RTN3: variants seen among roughly 807,000 people sequenced by gnomAD.
RTN3 encodes reticulon 3.
A neutral mutation model predicts 77.8 loss-of-function variants in RTN3; 49 were observed. The observed-to-expected ratio is 0.63, with a 90% CI of 0.50 to 0.80. RTN3 has a LOEUF of 0.80. Ranked by LOEUF, RTN3 falls within the 30% of genes least tolerant of loss-of-function variation. RTN3 has a pLI of 0.00. For synonymous variants in RTN3, 464 were observed against 446.9 expected, an observed-to-expected ratio of 1.04 and a Z score of -0.48; for missense variants, 1,236 against 1,211.9, an observed-to-expected ratio of 1.02 and a Z score of -0.29.
chr11:63,741,541 C>G (rs559568869), intron 3 of RTN3, among the ~76,000 whole-genome samples: 72 of 150,960 alleles, frequency 4.8e-4, no homozygotes, highest in Admixed American at 1.6e-3. Flanking sequence ...ATTCTATTGC[C>G]CAGGCTGGAA....
At chr11:63,690,255 T>C (rs968636892) in intron 1 of RTN3, among the ~76,000 whole-genome samples, 1 of 152,216 alleles carries the variant, frequency 6.6e-6, no homozygotes, top group Non-Finnish European at 1.5e-5. Context: ...TTTGAACATA[T>C]TTCAGTGGAG....
chr11:63,706,334 C>T (rs1448356856), intron 2 of RTN3, among the ~76,000 whole-genome samples: 4 of 152,166 alleles, frequency 2.6e-5, no homozygotes, highest in African/African-American at 9.7e-5. Flanking sequence ...GGACTACAGG[C>T]ACATGCCACC....
intron 1 of RTN3, 129 bp from the exon 2 acceptor site, chr11:63,704,722 T>C: frequency 1.7e-6 from 1 of 597,178 alleles, no homozygotes; most frequent in South Asian, 2.5e-5. Context: ...AAATAAAGAT[T>C]TGAGTTTTCC....
chr11:63,716,528 A>G (rs2011407213), intron 2 of RTN3, among the ~76,000 whole-genome samples: 1 of 152,224 alleles, frequency 6.6e-6, no homozygotes, highest in Non-Finnish European at 1.5e-5. Flanking sequence ...ATACAACAGT[A>G]TGCAAGAAAG....
rs2014513405 is a variant in RTN3, at chr11:63,758,681, A to G, written c.*480A>G. On this transcript the variant is annotated 3_prime_UTR_variant, in exon 9 of 9. Coordinates refer to ENST00000377819, the MANE Select transcript of RTN3 (RefSeq NM_001265589.2). ...TTTTTTTTTGCAGCCCTCAAATCCT[A>G]TCTTCCTGCCCCACAATGTGAGCAG... 2 of 293,648 alleles carry G rather than the reference A, an allele frequency of 6.8e-6. No individual in the cohort carries two copies. Among genetic ancestry groups the G allele is most frequent in the Non-Finnish European group, 6.2e-6 (1 of 161,060 alleles). The allele number at this position is 293,648 out of a possible 1,614,324, so 18.2% of individuals were successfully genotyped here. A position where few individuals can be genotyped will look rare whatever the true frequency, so the allele number is the denominator to read the frequency against.
intron 1 of RTN3, among the ~76,000 whole-genome samples, chr11:63,688,740 C>G (rs1941503432): frequency 1.3e-5 from 2 of 152,098 alleles, no homozygotes; most frequent in African/African-American, 4.8e-5. Flanking sequence ...ACCAATATTA[C>G]TGCTTTTATC....
At chr11:63,717,104 A>G (rs1353671360) in intron 2 of RTN3, among the ~76,000 whole-genome samples, 1 of 151,956 alleles carries the variant, frequency 6.6e-6, no homozygotes, top group Non-Finnish European at 1.5e-5. Context: ...TCAAGGCTGC[A>G]GTGAGCCACA....
intron 1 of RTN3, among the ~76,000 whole-genome samples, chr11:63,687,523 T>C (rs1672389817): frequency 6.6e-6 from 1 of 151,378 alleles, no homozygotes; most frequent in African/African-American, 2.4e-5. Flanking sequence ...GGCAGGAGAA[T>C]CACTTGAACC....
At chr11:63,696,428 C>T (rs1565304032) in intron 1 of RTN3, among the ~76,000 whole-genome samples, 1 of 151,854 alleles carries the variant, frequency 6.6e-6, no homozygotes, top group Non-Finnish European at 1.5e-5. Flanking sequence ...TGTGATGAAG[C>T]CAGGTGCGGT....
intron 1 of RTN3, among the ~76,000 whole-genome samples, chr11:63,685,485 G>A (rs1273226172): frequency 5.3e-5 from 3 of 56,908 alleles, no homozygotes; most frequent in Non-Finnish European, 9.6e-5. Context: ...GACACAGCAA[G>A]ACTCCATCTC....
At chr11:63,755,686 A>G (rs2014340892) in intron 7 of RTN3, among the ~76,000 whole-genome samples, 2 of 136,074 alleles carry the variant, frequency 1.5e-5, no homozygotes, top group African/African-American at 5.4e-5. Context: ...AAGGCTGGGC[A>G]CAGTGGCTCA....
chr11:63,738,711 A>C (rs919387409), intron 3 of RTN3, among the ~76,000 whole-genome samples: 1 of 152,046 alleles, frequency 6.6e-6, no homozygotes, highest in Non-Finnish European at 1.5e-5. Flanking sequence ...CCTTTTCAGA[A>C]TAAGTATTTG....
chr11:63,709,870 A>T (rs1942666312), intron 2 of RTN3, among the ~76,000 whole-genome samples: 1 of 152,208 alleles, frequency 6.6e-6, no homozygotes, highest in South Asian at 2.1e-4. Context: ...TTCTTCACTG[A>T]TGTATATAGT....
chr11:63,730,328 A>C (rs2012602343), intron 3 of RTN3, among the ~76,000 whole-genome samples: 3 of 152,220 alleles, frequency 2.0e-5, no homozygotes, highest in Non-Finnish European at 4.4e-5. Flanking sequence ...AAGATATCCC[A>C]AAAAATTTAT....
At chr11:63,721,087 T>C (rs2011756815) in intron 3 of RTN3, 55 bp downstream of exon 3, 2 of 1,455,118 alleles carry the variant, frequency 1.4e-6, no homozygotes, top group Non-Finnish European at 1.9e-6. Context: ...TGATTACTTA[T>C]CAGCGTGCCA....
chr11:63,696,237 A>G (rs1941933903), intron 1 of RTN3, among the ~76,000 whole-genome samples: 1 of 151,070 alleles, frequency 6.6e-6, no homozygotes, highest in Non-Finnish European at 1.5e-5. Context: ...TCTCTACTAA[A>G]AATAGAAAAA....
chr11:63,732,540 G>T (rs971929491), intron 3 of RTN3, among the ~76,000 whole-genome samples: 4 of 151,466 alleles, frequency 2.6e-5, no homozygotes, highest in African/African-American at 9.7e-5. Flanking sequence ...ATGAAAAAAG[G>T]GTTTTCCATT....
At chr11:63,693,770 C>A (rs1941788929) in intron 1 of RTN3, among the ~76,000 whole-genome samples, 1 of 152,086 alleles carries the variant, frequency 6.6e-6, no homozygotes, top group Non-Finnish European at 1.5e-5. Flanking sequence ...CTACTAACAA[C>A]TTTAATCCAG....
rs1250283319 is a variant in RTN3, at chr11:63,758,633, C to T, written c.*432C>T. 7.9e-6 allele frequency: 3 copies of T among 381,896 alleles called. No homozygotes were observed. The highest frequency in any genetic ancestry group is 3.9e-5 in the East Asian group (1 of 25,432). The allele number at this position is 381,896 out of a possible 1,614,324, so 23.7% of individuals were successfully genotyped here. A position where few individuals can be genotyped will look rare whatever the true frequency, so the allele number is the denominator to read the frequency against. ...AACTTATGAAAAAATTATTTGGGGA[C>T]AGGAGTGTGATACCTTCCTTGGTTT... On this transcript the variant is annotated 3_prime_UTR_variant, in exon 9 of 9. Transcript: ENST00000377819.
Sources: gnomAD v4.1 joint callset for allele counts (sites outside exome capture counted in the v4.1 genomes callset) on GRCh38, gnomAD v4.1.1 for gene constraint, MANE v1.5 for transcripts, NCBI Gene and HGNC (gene_info 2026-07-23, HGNC 2026-07-21) for gene names.